The following ZNF407 variants were observed in gnomAD, a reference collection of about 807,000 sequenced individuals.
ZNF407 encodes zinc finger protein 407.
A neutral mutation model predicts 131.2 loss-of-function variants in ZNF407; 17 were observed. That is an observed-to-expected ratio of 0.13 (90% CI 0.09 to 0.19). The LOEUF (loss-of-function observed/expected upper bound fraction) is 0.19, where lower values mean the gene tolerates loss of function less well. Ranked by LOEUF, ZNF407 falls within the 10% of genes least tolerant of loss-of-function variation. The pLI is 1.00. For missense variants in ZNF407, 2,681 were observed against 2,830.6 expected, an observed-to-expected ratio of 0.95 and a Z score of 1.20; for synonymous variants, 1,156 against 1,062.0, an observed-to-expected ratio of 1.09 and a Z score of -1.72.
At chr18:75,046,655 A>G (rs1973439145) in intron 8 of ZNF407, among the ~76,000 whole-genome samples, 1 of 152,004 alleles carries the variant, frequency 6.6e-6, no homozygotes, top group Non-Finnish European at 1.5e-5. Flanking sequence ...AATGAACAGC[A>G]TCCTCCTTTA....
At position 74,758,058 on chromosome 18, in the gene ZNF407, G is replaced by A. The variant is rs370786249; in HGVS notation, c.4803-23370G>A. 3.6e-4 allele frequency among the ~76,000 whole-genome samples: 54 copies of A among 152,074 alleles called. No individual in the cohort carries two copies. The East Asian group carries it at 9.5e-3, about 27-fold the overall frequency. On this transcript the variant is annotated intron_variant, in intron 3 of 8. Coordinates refer to ENST00000299687, the MANE Select transcript of ZNF407 (RefSeq NM_017757.3). Reference sequence around the variant, plus strand: ...TATGTCTTGTAGACAGCATATACTTGGATCATGTTTCTTGAATTTGTTTTG... The same window carrying A: ...TATGTCTTGTAGACAGCATATACTTAGATCATGTTTCTTGAATTTGTTTTG...
At chr18:75,062,198 G>C (rs951917764) in intron 8 of ZNF407, 1 of 152,252 alleles carries the variant, frequency 6.6e-6, no homozygotes, top group African/African-American at 2.4e-5. Flanking sequence ...ACGAGAGATG[G>C]CTTGAATCTT....
chr18:74,731,935 C>CT (rs1441929636), intron 3 of ZNF407, among the ~76,000 whole-genome samples: 1 of 152,018 alleles, frequency 6.6e-6, no homozygotes, highest in African/African-American at 2.4e-5. Flanking sequence ...AGAACAAGCG[C>CT]TAGGTCCTAG....
At chr18:74,903,791 G>A (rs1038670990) in intron 7 of ZNF407, among the ~76,000 whole-genome samples, 3 of 152,158 alleles carry the variant, frequency 2.0e-5, no homozygotes, top group East Asian at 3.8e-4. Context: ...CAATATGTAA[G>A]GCTAATTCTG....
At chr18:74,993,112 G>A (rs181082827) in intron 8 of ZNF407, among the ~76,000 whole-genome samples, 1 of 152,136 alleles carries the variant, frequency 6.6e-6, no homozygotes, top group African/African-American at 2.4e-5. Context: ...CTTACCATAT[G>A]ACCCAACGAT....
intron 8 of ZNF407, among the ~76,000 whole-genome samples, chr18:75,052,919 C>A (rs912634467): frequency 2.0e-5 from 3 of 152,224 alleles, no homozygotes; most frequent in African/African-American, 7.2e-5. Flanking sequence ...CAGCTCCTTT[C>A]AAACAGGCTT....
intron 8 of ZNF407, among the ~76,000 whole-genome samples, chr18:74,977,257 G>A (rs749328553): frequency 7.2e-5 from 11 of 152,244 alleles, no homozygotes; most frequent in Admixed American, 6.5e-5. Flanking sequence ...GTAGATCAGC[G>A]TCAGCAATGC....
intron 3 of ZNF407, among the ~76,000 whole-genome samples, chr18:74,706,283 CTTTTG>C (rs758541350): frequency 9.9e-5 from 15 of 152,150 alleles, no homozygotes; most frequent in Non-Finnish European, 1.3e-4. Context: ...AAAGCTTTCA[CTTTTG>C]TTTTGGAAAA....
At chr18:74,630,302 C>G (rs971470648) in intron 1 of ZNF407, among the ~76,000 whole-genome samples, 3 of 151,796 alleles carry the variant, frequency 2.0e-5, no homozygotes, top group African/African-American at 7.3e-5. Context: ...TACCGAGTAG[C>G]TGGGACTACA....
chr18:74,645,025 C>G lies in ZNF407; in HGVS notation c.4802+3903C>G, dbSNP rs144933571. ...TTACTTTCATATTCTGATATTGTCT[C>G]TCTCTGTCTCTCCCCAATACTTTCC... On this transcript the variant is annotated intron_variant, in intron 3 of 8. Coordinates refer to ENST00000299687, the MANE Select transcript of ZNF407 (RefSeq NM_017757.3). Among the ~76,000 whole-genome samples, 38 of 150,800 alleles carry G rather than the reference C, an allele frequency of 2.5e-4. No individual in the cohort carries two copies. The East Asian group carries it at 7.1e-3, about 28-fold the overall frequency.
chr18:74,804,302 T>C (rs940506326), intron 4 of ZNF407: 1 of 521,656 alleles, frequency 1.9e-6, no homozygotes, highest in East Asian at 6.4e-5. Context: ...ATCAATGAGT[T>C]AAAAAAAAAA....
chr18:75,004,596 G>A (rs540241947), intron 8 of ZNF407, among the ~76,000 whole-genome samples: 73 of 152,264 alleles, frequency 4.8e-4, no homozygotes, highest in South Asian at 4.8e-3. Context: ...GGTCCTGTCC[G>A]ATTCATTCAA....
At chr18:74,679,718 C>A (rs1013546781) in intron 3 of ZNF407, among the ~76,000 whole-genome samples, 2 of 152,206 alleles carry the variant, frequency 1.3e-5, no homozygotes, top group Non-Finnish European at 2.9e-5. Context: ...CATCATATAT[C>A]TTTTGGTGTG....
Position 74,632,542 on chromosome 18 carries a change from C to T in ZNF407, c.1523C>T (p.Pro508Leu), listed in dbSNP as rs77006793. Residue 508 changes from proline to leucine, a missense_variant, in exon 2 of 9, where the codon CCT (proline) becomes CTT (leucine). Transcript: ENST00000299687. Reference protein sequence around the residue: ...EAEQGQGSARPPDSGLHSLTV... With the variant: ...EAEQGQGSARLPDSGLHSLTV... ...GAGCAGGGCCAGGGGAGTGCCCGTCCTCCGGACTCCGGGCTGCATTCCCTG... is the reference window on the plus strand; with the variant it reads ...GAGCAGGGCCAGGGGAGTGCCCGTCTTCCGGACTCCGGGCTGCATTCCCTG... 1,117 of 1,614,028 alleles carry T rather than the reference C, an allele frequency of 6.9e-4. 5 individuals are homozygous for T. In the African/African-American group the frequency reaches 0.013, roughly 19 times the overall value.
Position 74,634,657 on chromosome 18 carries a change from C to A in ZNF407, c.3638C>A (p.Ala1213Glu). 1 of 1,613,942 alleles carries A rather than the reference C, an allele frequency of 6.2e-7. No individual in the cohort carries two copies. The highest frequency in any genetic ancestry group is 8.5e-7 in the Non-Finnish European group (1 of 1,179,874). Residue 1213 changes from alanine (A) to glutamate (E), a missense_variant, in exon 2 of 9, where the codon GCA (alanine) becomes GAA (glutamate). Ala to Glu is a moderately radical substitution (Grantham distance 107). Transcript: ENST00000299687. ...AGCTCTGCCTTAAATTGTGAGACAGCAAAGAAAAACCATGAGATATCGAAT... is the reference window on the plus strand; with the variant it reads ...AGCTCTGCCTTAAATTGTGAGACAGAAAAGAAAAACCATGAGATATCGAAT... ...SGSSALNCET[A>E]KKNHEISNDA...
chr18:74,629,529 A>G (rs375784385), intron 1 of ZNF407, among the ~76,000 whole-genome samples: 3 of 152,088 alleles, frequency 2.0e-5, no homozygotes, highest in East Asian at 3.8e-4. Flanking sequence ...TTTGAAGCAT[A>G]GTGTCTTTTG....
At chr18:75,035,511 T>A (rs1973298168) in intron 8 of ZNF407, among the ~76,000 whole-genome samples, 1 of 152,232 alleles carries the variant, frequency 6.6e-6, no homozygotes, top group Admixed American at 6.5e-5. Flanking sequence ...CAGGGTCTCG[T>A]TCTCTATATC....
chr18:74,976,995 T>C (rs971432981), intron 8 of ZNF407, among the ~76,000 whole-genome samples: 1 of 152,236 alleles, frequency 6.6e-6, no homozygotes, highest in Non-Finnish European at 1.5e-5. Flanking sequence ...AGGAGCAGTA[T>C]AGGCTGGACA....
chr18:74,739,080 T>C (rs1260974307), intron 3 of ZNF407, among the ~76,000 whole-genome samples: 6 of 152,090 alleles, frequency 3.9e-5, no homozygotes, highest in African/African-American at 1.2e-4. Context: ...CCACAACATG[T>C]ATGTTTTTTT....
Sources: allele counts gnomAD v4.1 joint callset (sites outside exome capture counted in the v4.1 genomes callset), GRCh38; gene constraint gnomAD v4.1.1; transcripts MANE v1.5; gene names NCBI Gene and HGNC (gene_info 2026-07-23, HGNC 2026-07-21).